NOM1: variants seen among roughly 807,000 people sequenced by gnomAD.
NOM1 encodes nucleolar MIF4G domain-containing protein 1.
NOM1 carries 58 observed loss-of-function variants against 73.3 expected under a neutral mutation model. That is an observed-to-expected ratio of 0.79 (90% CI 0.64 to 0.99). The LOEUF (loss-of-function observed/expected upper bound fraction) is 0.99. Ranked by LOEUF, NOM1 falls within the 50% of genes least tolerant of loss-of-function variation. The pLI is 0.00. For synonymous variants in NOM1, 487 were observed against 446.8 expected (o/e 1.09, Z -1.14); for missense variants, 1,226 against 1,131.9 (o/e 1.08, Z -1.19).
chr7:156,955,240 C>G (rs1586566400), intron 3 of NOM1, among the ~76,000 whole-genome samples: 1 of 152,212 alleles, frequency 6.6e-6, no homozygotes, highest in Non-Finnish European at 1.5e-5. Flanking sequence ...TCCACAGTCA[C>G]TGCCCTCTTC....
Position 156,961,045 on chromosome 7 carries a change from G to A in NOM1, c.1632+871G>A, listed in dbSNP as rs375294372. Among the ~76,000 whole-genome samples, 39 of 152,292 alleles carry A rather than the reference G, an allele frequency of 2.6e-4. 3 individuals carry two copies. The highest frequency in any genetic ancestry group is 1.8e-3 in the Admixed American group (27 of 15,298). On this transcript the variant is annotated intron_variant, in intron 4 of 10. Transcript: ENST00000275820. ...CCATTTTTGAAAGACTGGGTTAGCT[G>A]TGAACAGAGTGGGCTGAAGGGATAT...
Position 156,962,218 on chromosome 7 carries a change from A to G in NOM1, c.1700A>G (p.Asp567Gly), listed in dbSNP as rs1804882957. The G allele has an allele frequency of 1.9e-6, 3 of 1,614,052 alleles. No homozygotes were observed. The East Asian group carries it at 6.7e-5, about 36-fold the overall frequency. Reference sequence around the variant, plus strand: ...GACATGCGCAAAATTCCAGGCTATGACCCCGAGCCCGTGGAGAAGCTGAGG... The same window carrying G: ...GACATGCGCAAAATTCCAGGCTATGGCCCCGAGCCCGTGGAGAAGCTGAGG... Reference protein sequence around the residue: ...NNDMRKIPGYDPEPVEKLRKL... With the variant: ...NNDMRKIPGYGPEPVEKLRKL... The change falls in exon 5 of 11, where the codon GAC becomes GGC. Residue 567 changes from aspartate to glycine, a missense_variant. Transcript: ENST00000275820.
intron 3 of NOM1, among the ~76,000 whole-genome samples, chr7:156,955,909 G>A (rs1358166151): frequency 2.0e-5 from 3 of 152,278 alleles, no homozygotes; most frequent in East Asian, 3.9e-4. Flanking sequence ...CATATTTGCC[G>A]GCCGGGCGCG....
Position 156,969,790 on chromosome 7 carries a change from T to C in NOM1, c.*87T>C, listed in dbSNP as rs1805098630. 4 of 1,282,840 alleles carry C rather than the reference T, an allele frequency of 3.1e-6. No individual in the cohort carries two copies. Among genetic ancestry groups the C allele is most frequent in the Non-Finnish European group, 4.2e-6 (4 of 944,680 alleles). 79.5% of individuals were successfully genotyped at this position (1,282,840 alleles called of 1,614,324 possible). ...GCTTATTCTGTTGCCTGCGTGTGAA[T>C]GTTTGGTAGAGCTATATCATTGTCT... On this transcript the variant is annotated 3_prime_UTR_variant, in exon 11 of 11. Transcript: ENST00000275820.
intron 3 of NOM1, 134 bp from the exon 4 acceptor site, chr7:156,959,717 T>G: frequency 2.4e-6 from 2 of 824,312 alleles, no homozygotes; most frequent in Non-Finnish European, 1.9e-6. Flanking sequence ...TGCTCTGGGT[T>G]GCCGAGGGAT....
chr7:156,959,404 A>ATT (rs33936500), intron 3 of NOM1, among the ~76,000 whole-genome samples: 6,702 of 150,220 alleles, frequency 0.045, 189 homozygotes, highest in Middle Eastern at 0.083. Flanking sequence ...CACCTGGCTA[A>ATT]TTTTTTTTTG....
Position 156,959,891 on chromosome 7 carries a change from A to T in NOM1, c.1349A>T (p.Asp450Val), listed in dbSNP as rs763991067. The T allele has an allele frequency of 6.2e-7, 1 of 1,614,210 alleles. No individual in the cohort carries two copies. Among genetic ancestry groups the T allele is most frequent in the Admixed American group, 1.7e-5 (1 of 60,020 alleles). Residue 450 changes from aspartate to valine, a missense_variant, in exon 4 of 11, where the codon GAT becomes GTT. Physicochemically the swap from Asp to Val is radical, Grantham distance 152 (BLOSUM62 -3). Transcript: ENST00000275820. ...HFLEAVVRKF[D>V]AIYKYGSEGK... The stretch of plus-strand genomic sequence containing the variant: ...CTGGAGGCAGTGGTGAGGAAGTTCG[A>T]TGCCATCTATAAATACGGAAGCGAA...
At chr7:156,958,167 C>T (rs1003486758) in intron 3 of NOM1, among the ~76,000 whole-genome samples, 2 of 152,052 alleles carry the variant, frequency 1.3e-5, no homozygotes, top group African/African-American at 4.8e-5. Context: ...TCAGCCTTGC[C>T]TGCGATTTTC....
rs4434512 is a variant in NOM1, at chr7:156,970,856, A to G, written c.*1153A>G. 0.52 allele frequency: 78,597 copies of G among 152,090 alleles called. 20,676 individuals are homozygous for G. The highest frequency in any genetic ancestry group is 0.63 in the Middle Eastern group (184 of 294). 9.4% of individuals were successfully genotyped at this position (152,090 alleles called of 1,614,324 possible). On this transcript the variant is annotated 3_prime_UTR_variant, in exon 11 of 11. Transcript: ENST00000275820. ...ATGTAACATTCTCACACAGTTGAGG[A>G]TATTCATCTCCTCACCAATTCCAGA...
At chr7:156,950,893 A>T (rs1804576188) in intron 1 of NOM1, among the ~76,000 whole-genome samples, 169 bp downstream of exon 1, 3 of 152,114 alleles carry the variant, frequency 2.0e-5, no homozygotes. Context: ...ATGTTTTTAA[A>T]TTTTCATAAT....
chr7:156,957,469 G>A (rs6973271), intron 3 of NOM1, among the ~76,000 whole-genome samples: 27,238 of 152,142 alleles, frequency 0.18, 2,566 homozygotes, highest in East Asian at 0.29. Flanking sequence ...AAATTTTGAT[G>A]TAATATACAT....
chr7:156,965,126 C>T (rs1053610819), intron 7 of NOM1, among the ~76,000 whole-genome samples: 3 of 152,254 alleles, frequency 2.0e-5, no homozygotes, highest in Admixed American at 6.5e-5. Flanking sequence ...CTGCCTTCAC[C>T]TGAGTGCTCT....
Position 156,952,534 on chromosome 7 carries a change from G to A in NOM1, c.1048G>A (p.Val350Met). 6.2e-7 allele frequency: 1 copy of A among 1,614,056 alleles called. No homozygotes were observed. Among genetic ancestry groups the A allele is most frequent in the Non-Finnish European group, 8.5e-7 (1 of 1,179,920 alleles). The change falls in exon 2 of 11, where the codon GTG becomes ATG. Residue 350 changes from valine to methionine, a missense_variant. By Grantham distance (21) the Val-to-Met change is conservative. Coordinates refer to ENST00000275820, the MANE Select transcript of NOM1 (RefSeq NM_138400.2). Reference sequence around the variant, plus strand: ...TCATGTGAGGCAAGCTGAGGAGACAGTGGACTTCAAGAAAAAGGAAGAACT... The same window carrying A: ...TCATGTGAGGCAAGCTGAGGAGACAATGGACTTCAAGAAAAAGGAAGAACT... ...PPHVRQAEET[V>M]DFKKKEELER...
chr7:156,962,479 T>C (rs1804890888), intron 5 of NOM1, among the ~76,000 whole-genome samples: 1 of 152,192 alleles, frequency 6.6e-6, no homozygotes, highest in Admixed American at 6.5e-5. Context: ...GAAGCCCATG[T>C]TGGGCGAGCG....
In NOM1 at chr7:156,969,819, A is replaced by G; in HGVS notation, c.*116A>G. On this transcript the variant is annotated 3_prime_UTR_variant, in exon 11 of 11. Coordinates refer to ENST00000275820, the MANE Select transcript of NOM1 (RefSeq NM_138400.2). Reference sequence around the variant, plus strand: ...TGGTAGAGCTATATCATTGTCTGTTAATGTATTATATTTTGAGATTTTTTT... The same window carrying G: ...TGGTAGAGCTATATCATTGTCTGTTGATGTATTATATTTTGAGATTTTTTT... 1.0e-6 allele frequency: 1 copy of G among 982,504 alleles called. No individual in the cohort carries two copies. Among genetic ancestry groups the G allele is most frequent in the Non-Finnish European group, 1.4e-6 (1 of 708,184 alleles). 60.9% of individuals were successfully genotyped at this position (982,504 alleles called of 1,614,324 possible).
In NOM1 at chr7:156,949,889, A is replaced by AGT; in HGVS notation, c.153_154dup (p.Phe52CysfsTer22). The AGT allele has an allele frequency of 6.5e-7, 1 of 1,535,976 alleles. No individual in the cohort carries two copies. Among genetic ancestry groups the AGT allele is most frequent in the Non-Finnish European group, 8.8e-7 (1 of 1,141,464 alleles). On this transcript the variant is annotated frameshift_variant, in exon 1 of 11. Coordinates refer to ENST00000275820, the MANE Select transcript of NOM1 (RefSeq NM_138400.2). LOFTEE classifies it high-confidence loss of function. ...AAGAGGCTGAAGCTAGCGGTGGAGGAGTTCGTGCACGCGACTTCGGAAGGC... is the reference window on the plus strand; with the variant it reads ...AAGAGGCTGAAGCTAGCGGTGGAGGAGTGTTCGTGCACGCGACTTCGGAAGGC...
At position 156,952,701 on chromosome 7, in the gene NOM1, C is replaced by T. The variant is rs1804624947; in HGVS notation, c.1112+103C>T. 1.1e-5 allele frequency: 14 copies of T among 1,259,596 alleles called. No homozygotes were observed. The South Asian group carries it at 1.7e-4, about 16-fold the overall frequency. The allele number at this position is 1,259,596 out of a possible 1,614,324, so 78.0% of individuals were successfully genotyped here. On this transcript the variant is annotated intron_variant, in intron 2 of 10. Coordinates refer to ENST00000275820, the MANE Select transcript of NOM1 (RefSeq NM_138400.2). ...TTCAAATAGAAGTGATGGGGACAGT[C>T]GATTGGATCCTTTCTGTTCTTGGCT...
Position 156,962,988 on chromosome 7 carries a change from A to G in NOM1, c.1744-20A>G. ...ATGAACCAATTAAAAGCATTTCATT[A>G]GCTCTTCTCTCTTCATCAGGTCCGC... On this transcript the variant is annotated intron_variant, in intron 5 of 10. Coordinates refer to ENST00000275820, the MANE Select transcript of NOM1 (RefSeq NM_138400.2). 1 of 1,602,528 alleles carries G rather than the reference A, an allele frequency of 6.2e-7. No homozygotes were observed. The highest frequency in any genetic ancestry group is 1.1e-5 in the South Asian group (1 of 90,822).
At chr7:156,950,824 A>G (rs571372536) in intron 1 of NOM1, 100 bp downstream of exon 1, 1 of 1,069,642 alleles carries the variant, frequency 9.3e-7, no homozygotes, top group African/African-American at 1.6e-5. Context: ...TGGTGTCTTG[A>G]TAATGGTTTC....
Sources: gnomAD v4.1 joint callset for allele counts (sites outside exome capture counted in the v4.1 genomes callset) on GRCh38, gnomAD v4.1.1 for gene constraint, MANE v1.5 for transcripts, NCBI Gene and HGNC (gene_info 2026-07-23, HGNC 2026-07-21) for gene names.